NUP50: variants seen among roughly 807,000 people sequenced by gnomAD.
NUP50 encodes nucleoporin 50.
In NUP50, 14 loss-of-function variants were observed where a neutral mutation model predicts 36.8. The ratio of observed to expected loss-of-function variants is 0.38; its 90% CI spans 0.25 to 0.59. The LOEUF is 0.59. Ranked by LOEUF, NUP50 falls within the 20% of genes least tolerant of loss-of-function variation. The pLI, the probability that NUP50 is intolerant of heterozygous loss-of-function variation, is 0.63. For missense variants in NUP50, 455 were observed against 564.6 expected (o/e 0.81, Z 1.97); for synonymous variants, 195 against 210.8 (o/e 0.93, Z 0.65).
At position 45,187,418 on chromosome 22, in the gene NUP50, CA is replaced by C. The variant is rs35783804; in HGVS notation, c.*2777del. 35,806 of 106,896 alleles carry C rather than the reference CA, an allele frequency of 0.33. 5,330 individuals carry two copies. Among genetic ancestry groups the C allele is most frequent in the East Asian group, 0.7 (3,246 of 4,616 alleles). 6.6% of individuals were successfully genotyped at this position (106,896 alleles called of 1,614,324 possible). Reference sequence around the variant, plus strand: ...ATCACATTTTATATATGCTGCATGCCAAAAAAAAAAAAAAGAGAAAACTGCC... The same window carrying C: ...ATCACATTTTATATATGCTGCATGCCAAAAAAAAAAAAAGAGAAAACTGCC... On this transcript the variant is annotated 3_prime_UTR_variant, in exon 8 of 8. Coordinates refer to ENST00000347635, the MANE Select transcript of NUP50 (RefSeq NM_007172.4).
rs2074463904 is a variant in NUP50, at chr22:45,185,941, C to T, written c.*1286C>T. 1 of 152,246 alleles carries T rather than the reference C, an allele frequency of 6.6e-6. No homozygotes were observed. Among genetic ancestry groups the T allele is most frequent in the Admixed American group, 6.5e-5 (1 of 15,286 alleles). The allele number at this position is 152,246 out of a possible 1,614,324, so 9.4% of individuals were successfully genotyped here. ...CTCAGGGTCAGTGCCCAAGGGCTCC[C>T]GCGTGTGTGTTCTGATCTTCAGTGC... On this transcript the variant is annotated 3_prime_UTR_variant, in exon 8 of 8. Transcript: ENST00000347635.
At chr22:45,179,172 G>T in intron 5 of NUP50, 1 of 336,612 alleles carries the variant, frequency 3.0e-6, no homozygotes, top group Non-Finnish European at 5.4e-6. Flanking sequence ...ACATGGTTTA[G>T]CATATAAAAA....
At chr22:45,182,911 C>T (rs148478313) in intron 6 of NUP50, among the ~76,000 whole-genome samples, 149 of 151,816 alleles carry the variant, frequency 9.8e-4, no homozygotes, top group Non-Finnish European at 1.5e-3. Context: ...GCGTGAGCCA[C>T]CGCACCTGGT....
intron 1 of NUP50, chr22:45,164,926 G>C (rs1442572128): frequency 1.3e-5 from 2 of 152,158 alleles, no homozygotes; most frequent in African/African-American, 4.8e-5. Flanking sequence ...CCATTTGCTC[G>C]GTTCCATTAA....
intron 3 of NUP50, among the ~76,000 whole-genome samples, chr22:45,172,984 T>TTA (rs776355411): frequency 2.6e-5 from 4 of 152,196 alleles, no homozygotes; most frequent in Non-Finnish European, 5.9e-5. Flanking sequence ...GTCTTGAACG[T>TTA]CTTTAGGATG....
intron 3 of NUP50, 154 bp downstream of exon 3, chr22:45,171,837 C>T (rs980364885): frequency 9.7e-6 from 6 of 618,040 alleles, no homozygotes; most frequent in African/African-American, 7.4e-5. Context: ...AAATAAGAAA[C>T]GTCAGGTCTG....
At chr22:45,177,954 C>G (rs2074302458) in intron 4 of NUP50, 2 of 347,202 alleles carry the variant, frequency 5.8e-6, no homozygotes, top group African/African-American at 4.2e-5. Flanking sequence ...TGACGAAACC[C>G]CATCTCTACT....
chr22:45,185,701 CTTT>C lies in NUP50; in HGVS notation c.*1050_*1052del, dbSNP rs1166230717. The C allele has an allele frequency of 6.6e-6, 1 of 151,594 alleles. No homozygotes were observed. Among genetic ancestry groups the C allele is most frequent in the African/African-American group, 2.4e-5 (1 of 41,112 alleles). 9.4% of individuals were successfully genotyped at this position (151,594 alleles called of 1,614,324 possible). On this transcript the variant is annotated 3_prime_UTR_variant, in exon 8 of 8. Transcript: ENST00000347635. ...ACATTTGATATCTGAAATATCTTTA[CTTT>C]TTTAAGAGTAAGATTCCATATGTCT...
chr22:45,166,766 A>T (rs928575924), intron 1 of NUP50, among the ~76,000 whole-genome samples: 25 of 128,992 alleles, frequency 1.9e-4, no homozygotes, highest in Non-Finnish European at 3.3e-4. Flanking sequence ...TATGACAAAG[A>T]TTAATGGCAA....
chr22:45,178,346 C>T lies in NUP50; in HGVS notation c.449C>T (p.Ala150Val), dbSNP rs752111447. ...TCCTCTGGCCTTGCTTCCAGTAAAG[C>T]TTGTGTCGGAAATGCCTATCACAAG... ...PSSSGLASSK[A>V]CVGNAYHKQL... The change falls in exon 5 of 8, where the codon GCT becomes GTT. Residue 150 changes from alanine to valine, a missense_variant. Physicochemically the swap from Ala to Val is moderately conservative, Grantham distance 64. This residue lies in a region of NUP50 where 166 missense variants were observed against 202.8 expected (regional missense o/e 0.82). Transcript: ENST00000347635. The T allele has an allele frequency of 5.6e-6, 9 of 1,613,898 alleles. No homozygotes were observed. Among genetic ancestry groups the T allele is most frequent in the Non-Finnish European group, 2.5e-6 (3 of 1,179,866 alleles).
chr22:45,170,436 C>A (rs2074172268), intron 2 of NUP50, among the ~76,000 whole-genome samples: 2 of 152,248 alleles, frequency 1.3e-5, no homozygotes, highest in South Asian at 4.1e-4. Flanking sequence ...GTAACCACGA[C>A]TTTCAGGTTA....
chr22:45,164,993 C>T (rs961285099), intron 1 of NUP50: 4 of 152,144 alleles, frequency 2.6e-5, no homozygotes, highest in Admixed American at 1.3e-4. Flanking sequence ...TTGTTGTTTT[C>T]CTCCAACAAG....
chr22:45,171,776 A>G (rs1367398114), intron 3 of NUP50, 93 bp downstream of exon 3: 1 of 988,968 alleles, frequency 1.0e-6, no homozygotes, highest in East Asian at 2.5e-5. Context: ...ATATCAACAA[A>G]TGCTTTCTTA....
intron 3 of NUP50, among the ~76,000 whole-genome samples, chr22:45,173,467 C>T (rs2147679088): frequency 6.6e-6 from 1 of 151,234 alleles, no homozygotes; most frequent in Non-Finnish European, 1.5e-5. Context: ...GGGGGAGGGA[C>T]AGTTTAATTA....
At chr22:45,181,892 GT>G (rs2074379371) in intron 6 of NUP50, among the ~76,000 whole-genome samples, 1 of 152,170 alleles carries the variant, frequency 6.6e-6, no homozygotes, top group African/African-American at 2.4e-5. Flanking sequence ...AATGAGATTA[GT>G]TTTTACAAAG....
At chr22:45,183,763 A>G (rs953130818) in intron 7 of NUP50, 3 of 443,588 alleles carry the variant, frequency 6.8e-6, no homozygotes, top group African/African-American at 2.0e-5. Context: ...GTGACTAAGA[A>G]GCTAGAGATT....
chr22:45,168,344 C>A lies in NUP50; in HGVS notation c.69+98C>A. On this transcript the variant is annotated intron_variant, in intron 2 of 7. Transcript: ENST00000347635. ...AAGACTTGTGACAGAACTAAAAGAC[C>A]TTTCTAAGAACATCATGAATGGGAG... 10 of 830,418 alleles carry A rather than the reference C, an allele frequency of 1.2e-5. No individual in the cohort carries two copies. The South Asian group carries it at 1.6e-4, about 13-fold the overall frequency. The allele number at this position is 830,418 out of a possible 1,614,324, so 51.4% of individuals were successfully genotyped here.
Position 45,186,637 on chromosome 22 carries a change from T to TA in NUP50, c.*1988dup, listed in dbSNP as rs1234971308. The stretch of plus-strand genomic sequence containing the variant: ...ATTTTCTTTTAAACCTGCCCTTCTG[T>TA]AAAAAATAGTTTATATATTTTTAAA... On this transcript the variant is annotated 3_prime_UTR_variant, in exon 8 of 8. Transcript: ENST00000347635. The TA allele has an allele frequency of 6.6e-6, 1 of 152,640 alleles. No homozygotes were observed. The highest frequency in any genetic ancestry group is 1.5e-5 in the Non-Finnish European group (1 of 68,034). The allele number at this position is 152,640 out of a possible 1,614,324, so 9.5% of individuals were successfully genotyped here.
intron 7 of NUP50, chr22:45,183,899 C>T (rs937103829): frequency 4.5e-6 from 1 of 221,252 alleles, no homozygotes; most frequent in East Asian, 1.2e-4. Context: ...CTGCAAGGAT[C>T]CTAGTGCCCG....
Sources: allele counts gnomAD v4.1 joint callset (sites outside exome capture counted in the v4.1 genomes callset), GRCh38; gene constraint gnomAD v4.1.1; regional missense constraint gnomAD v4.1.1; transcripts MANE v1.5; gene names NCBI Gene and HGNC (gene_info 2026-07-23, HGNC 2026-07-21).